CENATAC: variants seen among roughly 807,000 people sequenced by gnomAD.
CENATAC encodes the protein centrosomal AT-AC splicing factor.
Under a neutral mutation model 53.7 loss-of-function variants are expected in CENATAC, and 53 were observed. That is an observed-to-expected ratio of 0.99 (90% CI 0.79 to 1.24). The LOEUF (loss-of-function observed/expected upper bound fraction) is 1.24. Ranked by LOEUF, CENATAC falls within the 50% of genes most tolerant of loss-of-function variation. CENATAC has a pLI of 0.00. For synonymous variants in CENATAC, 156 were observed against 144.6 expected (o/e 1.08, Z -0.57); for missense variants, 474 against 417.8 (o/e 1.13, Z -1.17).
Position 118,998,338 on chromosome 11 carries a change from A to C in CENATAC, c.120+21A>C, listed in dbSNP as rs572561870. 10 of 1,611,418 alleles carry C rather than the reference A, an allele frequency of 6.2e-6. No individual in the cohort carries two copies. In the South Asian group the frequency reaches 8.8e-5, roughly 14 times the overall value. ...CCCAGGTGCGGAGGCAAGGCTAGAG[A>C]TGGGATGGGAGTGCGGGGCAGGTCA... On this transcript the variant is annotated intron_variant, in intron 1 of 10. Transcript: ENST00000334418.
At chr11:119,003,964 T>C (rs1942452644) in intron 3 of CENATAC, 1 of 152,330 alleles carries the variant, frequency 6.6e-6, no homozygotes, top group East Asian at 1.9e-4. Context: ...GTTATAGATA[T>C]TTGGTTGCTT....
intron 3 of CENATAC, among the ~76,000 whole-genome samples, chr11:118,999,856 A>C (rs1942204806): frequency 6.6e-6 from 1 of 151,784 alleles, no homozygotes; most frequent in Non-Finnish European, 1.5e-5. Context: ...GTTAGCCAGG[A>C]TGGTCTCGAT....
chr11:118,998,516 C>T lies in CENATAC; in HGVS notation c.207C>T (p.Cys69=). 1 of 1,610,320 alleles carries T rather than the reference C, an allele frequency of 6.2e-7. No homozygotes were observed. The highest frequency in any genetic ancestry group is 8.5e-7 in the Non-Finnish European group (1 of 1,178,414). The stretch of plus-strand genomic sequence containing the variant: ...AGCGATGCTGCTGGTGCCTGTGCTG[C>T]GGCTGTGAGGTGCGGGAACACCTGA... ...EHERCCWCLC[C]GCEVREHLSH... The change falls in exon 2 of 11, where the codon TGC becomes TGT. Residue 69 remains cysteine, a synonymous_variant. Coordinates refer to ENST00000334418, the MANE Select transcript of CENATAC (RefSeq NM_198489.3).
rs781967187 is a variant in CENATAC at position 119,015,033 on chromosome 11, T to C, written c.755T>C (p.Ile252Thr). 6.2e-7 allele frequency: 1 copy of C among 1,612,202 alleles called. No homozygotes were observed. Among genetic ancestry groups the C allele is most frequent in the Admixed American group, 1.7e-5 (1 of 59,752 alleles). The change falls in exon 9 of 11, where the codon ATT becomes ACT. Residue 252 changes from isoleucine (I) to threonine (T), a missense_variant. By Grantham distance (89) the Ile-to-Thr change is moderately conservative (BLOSUM62 -1). Coordinates refer to ENST00000334418, the MANE Select transcript of CENATAC (RefSeq NM_198489.3). ...TGGATGATCCAAGATGAAGAATACA[T>C]TGCTGGGAACCAAGAAATAGGACCA... ...PPWMIQDEEY[I>T]AGNQEIGPSY...
chr11:119,013,742 C>T (rs1297086099), intron 8 of CENATAC, among the ~76,000 whole-genome samples: 2 of 151,742 alleles, frequency 1.3e-5, no homozygotes, highest in Non-Finnish European at 2.9e-5. Flanking sequence ...GGATTACAGG[C>T]ATGAGCCACC....
intron 3 of CENATAC, chr11:119,003,334 G>A: frequency 1.9e-6 from 1 of 534,306 alleles, no homozygotes; most frequent in South Asian, 1.4e-5. Context: ...GTGATACGCG[G>A]ATCTTCTTTT....
At position 119,011,931 on chromosome 11, in the gene CENATAC, A is replaced by G. The variant is rs782638121; in HGVS notation, c.514-8A>G. On this transcript the variant is annotated splice_region_variant and splice_polypyrimidine_tract_variant and intron_variant, in intron 5 of 10. Coordinates refer to ENST00000334418, the MANE Select transcript of CENATAC (RefSeq NM_198489.3). The stretch of plus-strand genomic sequence containing the variant: ...CAGACACATTTATTTTTCCTGAATC[A>G]AACTCAGCCTCAGGCAGTGCCAGAC... The G allele has an allele frequency of 6.2e-7, 1 of 1,613,826 alleles. No homozygotes were observed. The highest frequency in any genetic ancestry group is 1.1e-5 in the South Asian group (1 of 91,050).
At chr11:119,002,685 T>G (rs1337534837) in intron 3 of CENATAC, among the ~76,000 whole-genome samples, 2 of 151,808 alleles carry the variant, frequency 1.3e-5, no homozygotes, top group South Asian at 2.1e-4. Context: ...CTGTTGGTTT[T>G]TTTTTTTTTT....
Position 119,015,588 on chromosome 11 carries a change from A to G in CENATAC, c.989A>G (p.Glu330Gly), listed in dbSNP as rs782013262. Residue 330 changes from glutamate to glycine, a missense_variant, in exon 11 of 11, where the codon GAA becomes GGA. Coordinates refer to ENST00000334418, the MANE Select transcript of CENATAC (RefSeq NM_198489.3). ...AAAMKKQSHT[E>G]KS is the part of the protein sequence containing the mutation. Reference sequence around the variant, plus strand: ...GCAATGAAGAAGCAGTCACATACAGAAAAAAGCTAATCATGCTCTCTACCA... The same window carrying G: ...GCAATGAAGAAGCAGTCACATACAGGAAAAAGCTAATCATGCTCTCTACCA... The G allele has an allele frequency of 6.8e-6, 11 of 1,614,076 alleles. No homozygotes were observed. The African/African-American group carries it at 1.5e-4, about 22-fold the overall frequency.
chr11:119,007,005 T>C (rs936907191), intron 3 of CENATAC, among the ~76,000 whole-genome samples: 2 of 152,172 alleles, frequency 1.3e-5, no homozygotes, highest in African/African-American at 2.4e-5. Context: ...AACCTCTTTT[T>C]CTTTGTAAAT....
chr11:119,011,815 G>A, intron 5 of CENATAC, 124 bp from the exon 6 acceptor site: 1 of 786,356 alleles, frequency 1.3e-6, no homozygotes, highest in East Asian at 2.7e-5. Context: ...GTAAAAGATG[G>A]GCAGTACCTT....
chr11:119,011,656 C>CCA (rs1284660962), intron 5 of CENATAC, among the ~76,000 whole-genome samples: 2 of 152,156 alleles, frequency 1.3e-5, no homozygotes, highest in Non-Finnish European at 2.9e-5. Flanking sequence ...CAAGCATGAG[C>CCA]CACTGTGCCC....
At chr11:118,999,673 C>T (rs533458625) in intron 3 of CENATAC, among the ~76,000 whole-genome samples, 3 of 151,134 alleles carry the variant, frequency 2.0e-5, no homozygotes, top group East Asian at 3.9e-4. Context: ...TTTTATTTTT[C>T]GCTCTGTTGC....
At chr11:119,003,103 G>A (rs1942394366) in intron 3 of CENATAC, 9 of 529,436 alleles carry the variant, frequency 1.7e-5, no homozygotes, top group South Asian at 1.2e-4. Flanking sequence ...CCGAATCAGG[G>A]TGTTGACCTT....
At chr11:119,012,911 A>AC (rs1942940062) in intron 7 of CENATAC, 6 of 281,724 alleles carry the variant, frequency 2.1e-5, no homozygotes, top group Admixed American at 5.1e-5. Flanking sequence ...TTGCAAATGT[A>AC]ATTTACGTAA....
At chr11:119,006,491 C>A (rs1378138694) in intron 3 of CENATAC, among the ~76,000 whole-genome samples, 1 of 152,126 alleles carries the variant, frequency 6.6e-6, no homozygotes, top group African/African-American at 2.4e-5. Context: ...CTGCCTCGGC[C>A]TCCCAAAGTC....
chr11:118,998,218 C>G lies in CENATAC; in HGVS notation c.21C>G (p.Cys7Trp), dbSNP rs782630034. 27 of 1,582,518 alleles carry G rather than the reference C, an allele frequency of 1.7e-5. No individual in the cohort carries two copies. In the Admixed American group the frequency reaches 2.6e-4, roughly 15 times the overall value. Reference protein sequence around the residue: MAPAQRCPLCRQTFFCG... With the variant: MAPAQRWPLCRQTFFCG... ...GGGCTATGGCGCCGGCGCAGCGCTG[C>G]CCTCTGTGCCGCCAGACCTTCTTCT... The change falls in exon 1 of 11, where the codon TGC (cysteine) becomes TGG (tryptophan). Residue 7 changes from cysteine to tryptophan, a missense_variant. Physicochemically the swap from Cys to Trp is radical, Grantham distance 215. Transcript: ENST00000334418.
In CENATAC at chr11:118,998,302, G is replaced by A. The variant is rs2134511545; in HGVS notation, c.105G>A (p.Glu35=). 1 of 1,608,106 alleles carries A rather than the reference G, an allele frequency of 6.2e-7. No homozygotes were observed. Among genetic ancestry groups the A allele is most frequent in the Non-Finnish European group, 8.5e-7 (1 of 1,177,464 alleles). The change falls in exon 1 of 11, where the codon GAG becomes GAA. Residue 35 remains glutamate (E), a synonymous_variant. Coordinates refer to ENST00000334418, the MANE Select transcript of CENATAC (RefSeq NM_198489.3). ...AGCGGCAGCTGAAGGAGGCTTTGGA[G>A]AGGCTCCTGCCCCAGGTGCGGAGGC... ...KHQRQLKEAL[E]RLLPQVEAAR... is the part of the protein sequence containing the mutation.
At chr11:119,012,639 C>T (rs547060640) in intron 7 of CENATAC, 117 of 181,272 alleles carry the variant, frequency 6.5e-4, no homozygotes, top group African/African-American at 2.6e-3. Flanking sequence ...ACCTGTCTGC[C>T]TCCATTCAGC....
Sources: allele counts gnomAD v4.1 joint callset (sites outside exome capture counted in the v4.1 genomes callset), GRCh38; gene constraint gnomAD v4.1.1; transcripts MANE v1.5; gene names NCBI Gene and HGNC (gene_info 2026-07-23, HGNC 2026-07-21).